The following TEF variants were observed in gnomAD, a reference collection of about 807,000 sequenced individuals.
TEF encodes the protein thyrotroph embryonic factor.
TEF carries 3 observed loss-of-function variants against 20.8 expected under a neutral mutation model. The ratio of observed to expected loss-of-function variants is 0.14; its 90% confidence interval spans 0.07 to 0.37. The LOEUF (loss-of-function observed/expected upper bound fraction) is 0.37. Ranked by LOEUF, TEF falls within the 10% of genes least tolerant of loss-of-function variation. TEF has a pLI of 1.00. For synonymous variants in TEF, 180 were observed against 171.1 expected, an observed-to-expected ratio of 1.05 and a Z score of -0.41; for missense variants, 296 against 397.9, an observed-to-expected ratio of 0.74 and a Z score of 2.18.
upstream of TEF, among the ~76,000 whole-genome samples, chr22:41,381,630 CTGGT>C (rs879492035): frequency 1.3e-5 from 2 of 152,148 alleles, no homozygotes; most frequent in Non-Finnish European, 2.9e-5. Flanking sequence ...AGGGGGAACA[CTGGT>C]AGGAGGGAAG....
chr22:41,381,443 T>G (rs1197119974), upstream of TEF, among the ~76,000 whole-genome samples: 1 of 152,080 alleles, frequency 6.6e-6, no homozygotes, highest in African/African-American at 2.4e-5. Context: ...CGGCTCCACG[T>G]GACCCGCGGG....
chr22:41,370,030 G>A, intron 1 of TEF: 1 of 985,418 alleles, frequency 1.0e-6, no homozygotes, highest in South Asian at 4.7e-5. Flanking sequence ...AGGAAAGTCT[G>A]CGGAGTGTGA....
chr22:41,380,283 C>T (rs998453163), upstream of TEF, among the ~76,000 whole-genome samples: 2 of 152,192 alleles, frequency 1.3e-5, no homozygotes, highest in Non-Finnish European at 2.9e-5. Flanking sequence ...TTCCCCAGTA[C>T]CTGGGATTAC....
intron 2 of TEF, among the ~76,000 whole-genome samples, chr22:41,388,880 C>T (rs912814229): frequency 3.3e-5 from 5 of 151,738 alleles, no homozygotes; most frequent in African/African-American, 9.7e-5. Flanking sequence ...TTTTTTCAAA[C>T]AAAATACAAA....
rs2037197376 is a variant in TEF, at chr22:41,393,984, A to G, written c.476-112A>G. On this transcript the variant is annotated intron_variant, in intron 2 of 3. Transcript: ENST00000266304. Reference sequence around the variant, plus strand: ...GTACTGTTGGGGTTTTCTTCTCCCCAGGCGGCAGTGGCTTATGCAGCCTTG... The same window carrying G: ...GTACTGTTGGGGTTTTCTTCTCCCCGGGCGGCAGTGGCTTATGCAGCCTTG... 5.6e-6 allele frequency: 5 copies of G among 896,254 alleles called. No homozygotes were observed. In the East Asian group the frequency reaches 1.3e-4, roughly 22 times the overall value. 55.5% of individuals were successfully genotyped at this position (896,254 alleles called of 1,614,324 possible). A position where few individuals can be genotyped will look rare whatever the true frequency, so the allele number is the denominator to read the frequency against.
intron 1 of TEF, among the ~76,000 whole-genome samples, chr22:41,382,680 C>T (rs2037049388): frequency 6.6e-6 from 1 of 152,062 alleles, no homozygotes; most frequent in African/African-American, 2.4e-5. Context: ...CGTACGTGGC[C>T]TTACCCCTCC....
intron 1 of TEF, among the ~76,000 whole-genome samples, chr22:41,368,773 C>G (rs568326587): frequency 6.6e-6 from 1 of 152,302 alleles, no homozygotes; most frequent in Admixed American, 6.5e-5. Flanking sequence ...ACAGTCCAGG[C>G]CACCCTCTGA....
intron 1 of TEF, among the ~76,000 whole-genome samples, chr22:41,369,588 C>T (rs1428316703): frequency 6.6e-6 from 1 of 151,858 alleles, no homozygotes; most frequent in Non-Finnish European, 1.5e-5. Flanking sequence ...AATCAGTTTC[C>T]CAAAGCTGCC....
intron 1 of TEF, among the ~76,000 whole-genome samples, chr22:41,384,514 C>T (rs1442844029): frequency 1.3e-5 from 2 of 152,168 alleles, no homozygotes; most frequent in Admixed American, 6.5e-5. Context: ...GAATAAAGGT[C>T]TCTTGAAATG....
chr22:41,374,163 C>T (rs1008957136), intron 1 of TEF, among the ~76,000 whole-genome samples: 3 of 151,858 alleles, frequency 2.0e-5, no homozygotes, highest in Non-Finnish European at 2.9e-5. Flanking sequence ...CCCAGCACTT[C>T]GGGAGGCTGA....
exon 1 of TEF, chr22:41,367,529 TG>T (rs1569249136): frequency 1.3e-6 from 2 of 1,550,952 alleles, no homozygotes; most frequent in Non-Finnish European, 1.7e-6. Context: ...CAGTGGCCCC[TG>T]CCATGGACAT....
intron 2 of TEF, among the ~76,000 whole-genome samples, chr22:41,387,983 CTTTTTTTTTTTTTTTTT>C (rs530707936): frequency 6.0e-5 from 3 of 50,078 alleles, no homozygotes; most frequent in South Asian, 1.1e-3. Flanking sequence ...CAATGCTGCT[CTTTTTTTTTTTTTTTTT>C]TTTTTTTTTT....
At chr22:41,380,775 G>A (rs1457049883), upstream of TEF, among the ~76,000 whole-genome samples, 1 of 152,176 alleles carries the variant, frequency 6.6e-6, no homozygotes, top group Non-Finnish European at 1.5e-5. Context: ...ACGGATTTCT[G>A]CGGAACTCCC....
At chr22:41,392,960 G>A (rs1481606490) in intron 2 of TEF, among the ~76,000 whole-genome samples, 6 of 151,930 alleles carry the variant, frequency 3.9e-5, no homozygotes, top group African/African-American at 2.4e-5. Flanking sequence ...GGTTGAACCC[G>A]GGAAGTGGAG....
intron 1 of TEF, among the ~76,000 whole-genome samples, chr22:41,386,078 GC>G (rs1201587287): frequency 6.6e-6 from 1 of 152,158 alleles, no homozygotes; most frequent in Non-Finnish European, 1.5e-5. Flanking sequence ...ACTCGCCTGG[GC>G]CTCTCAAAGT....
At chr22:41,386,914 C>T (rs1052626815) in intron 1 of TEF, among the ~76,000 whole-genome samples, 3 of 151,788 alleles carry the variant, frequency 2.0e-5, no homozygotes, top group Admixed American at 6.6e-5. Flanking sequence ...CATGGTGGTG[C>T]GTACCTGTAA....
intron 1 of TEF, 72 bp from the exon 2 acceptor site, chr22:41,387,279 G>T: frequency 6.5e-7 from 1 of 1,535,154 alleles, no homozygotes; most frequent in Non-Finnish European, 8.9e-7. Flanking sequence ...AGGCCTGTGA[G>T]GCTCACTGCC....
chr22:41,386,391 A>C (rs1323126896), intron 1 of TEF, among the ~76,000 whole-genome samples: 2 of 152,090 alleles, frequency 1.3e-5, no homozygotes, highest in Non-Finnish European at 2.9e-5. Flanking sequence ...CAGTGAGCCT[A>C]GATTGTGCCA....
At chr22:41,382,437 C>G (rs1251873508) in intron 1 of TEF, among the ~76,000 whole-genome samples, 1 of 151,846 alleles carries the variant, frequency 6.6e-6, no homozygotes, top group Non-Finnish European at 1.5e-5. Context: ...TTTGAGGAGG[C>G]GGAAGGGGAT....
Sources: allele counts gnomAD v4.1 joint callset (sites outside exome capture counted in the v4.1 genomes callset), GRCh38; gene constraint gnomAD v4.1.1; transcripts MANE v1.5; gene names NCBI Gene and HGNC (gene_info 2026-07-23, HGNC 2026-07-21).